ERI1: variants seen among roughly 807,000 people sequenced by gnomAD.
ERI1 encodes exoribonuclease 1.
Under a neutral mutation model 39.7 loss-of-function variants are expected in ERI1, and 39 were observed. The observed-to-expected ratio is 0.98, with a 90% CI of 0.76 to 1.28. ERI1 has a LOEUF of 1.28. Among genes scored for constraint, ERI1 ranks in the 50% most tolerant of loss-of-function variants. The pLI, the probability that ERI1 is intolerant of heterozygous loss-of-function variation, is 0.00. For missense variants in ERI1, 581 were observed against 416.9 expected, an observed-to-expected ratio of 1.39 and a Z score of -3.43; for synonymous variants, 204 against 149.6, an observed-to-expected ratio of 1.36 and a Z score of -2.65.
intron 3 of ERI1, among the ~76,000 whole-genome samples, chr8:9,088,893 C>A (rs555309558): frequency 6.6e-5 from 10 of 152,170 alleles, no homozygotes; most frequent in African/African-American, 2.4e-4. Context: ...CCAGGTCATG[C>A]GGGTGAGTTA....
At chr8:9,055,543 G>T (rs1798480513) in intron 3 of ERI1, among the ~76,000 whole-genome samples, 1 of 152,152 alleles carries the variant, frequency 6.6e-6, no homozygotes, top group African/African-American at 2.4e-5. Flanking sequence ...TACATTGACA[G>T]GTGGGGGAAG....
At chr8:9,005,249 G>A (rs2117170186) in intron 1 of ERI1, among the ~76,000 whole-genome samples, 1 of 152,134 alleles carries the variant, frequency 6.6e-6, no homozygotes, top group Non-Finnish European at 1.5e-5. Flanking sequence ...ATTTTTGGCA[G>A]CAGAATAATA....
intron 3 of ERI1, among the ~76,000 whole-genome samples, chr8:9,095,239 A>T (rs1184768783): frequency 6.6e-6 from 1 of 152,178 alleles, no homozygotes; most frequent in Non-Finnish European, 1.5e-5. Flanking sequence ...GGTTTGTTAC[A>T]TGGGTGTATT....
intron 3 of ERI1, among the ~76,000 whole-genome samples, chr8:9,071,016 C>G (rs569654201): frequency 1.8e-4 from 28 of 152,316 alleles, no homozygotes; most frequent in African/African-American, 6.0e-4. Flanking sequence ...TCTATCTTCT[C>G]TCCACCCATT....
intron 3 of ERI1, among the ~76,000 whole-genome samples, chr8:9,063,347 C>T (rs910464961): frequency 3.3e-5 from 5 of 152,132 alleles, no homozygotes; most frequent in Non-Finnish European, 5.9e-5. Flanking sequence ...TTAACCTTGA[C>T]TATGCCTTTA....
At chr8:9,027,655 T>C (rs987013508) in intron 6 of ERI1, among the ~76,000 whole-genome samples, 7 of 152,198 alleles carry the variant, frequency 4.6e-5, no homozygotes, top group East Asian at 1.9e-4. Flanking sequence ...AATTTTGTTA[T>C]ATGGTGTAAG....
chr8:9,080,916 A>G (rs1799348025), intron 3 of ERI1, among the ~76,000 whole-genome samples: 6 of 152,254 alleles, frequency 3.9e-5, no homozygotes. Context: ...AAAATATGCT[A>G]TCTGGATTTA....
intron 3 of ERI1, among the ~76,000 whole-genome samples, chr8:9,081,077 G>A (rs761870052): frequency 6.6e-6 from 1 of 152,178 alleles, no homozygotes; most frequent in Non-Finnish European, 1.5e-5. Flanking sequence ...AGCAAGGCAC[G>A]TCTTACATGG....
chr8:9,045,965 C>T (rs1366366589), intron 3 of ERI1, among the ~76,000 whole-genome samples: 1 of 152,164 alleles, frequency 6.6e-6, no homozygotes, highest in Non-Finnish European at 1.5e-5. Context: ...AGGTGTGAGC[C>T]ACTGCACGTG....
chr8:9,022,484 C>G (rs1357247310), intron 6 of ERI1, among the ~76,000 whole-genome samples: 1 of 152,024 alleles, frequency 6.6e-6, no homozygotes, highest in Non-Finnish European at 1.5e-5. Flanking sequence ...CACTGCAACC[C>G]TGTCTCTTGG....
At chr8:9,037,607 A>G (rs1009174568), downstream of ERI1, among the ~76,000 whole-genome samples, 9 of 152,012 alleles carry the variant, frequency 5.9e-5, no homozygotes, top group African/African-American at 2.2e-4. Flanking sequence ...AAAAATAATT[A>G]GTGATGGTAA....
chr8:9,093,229 C>G (rs562946897), intron 3 of ERI1, among the ~76,000 whole-genome samples: 1 of 152,148 alleles, frequency 6.6e-6, no homozygotes, highest in Non-Finnish European at 1.5e-5. Flanking sequence ...GTAAAATACA[C>G]TAACACTAAT....
rs1036736518 is a variant in ERI1, at chr8:9,002,917, G to A, written c.-147G>A. The A allele has an allele frequency of 2.0e-6, 1 of 496,214 alleles. No homozygotes were observed. The highest frequency in any genetic ancestry group is 3.2e-6 in the Non-Finnish European group (1 of 316,494). 30.7% of individuals were successfully genotyped at this position (496,214 alleles called of 1,614,324 possible). A position where few individuals can be genotyped will look rare whatever the true frequency, so the allele number is the denominator to read the frequency against. The stretch of plus-strand genomic sequence containing the variant: ...ACGCCACACGCTCCCGGAAGTGGGA[G>A]GTGGCCGCTGGAGTTTGTGTGGCCG... On this transcript the variant is annotated 5_prime_UTR_variant, in exon 1 of 7. Transcript: ENST00000250263.
chr8:9,097,881 C>G (rs1227860009), intron 3 of ERI1, among the ~76,000 whole-genome samples: 1 of 151,862 alleles, frequency 6.6e-6, no homozygotes, highest in Non-Finnish European at 1.5e-5. Flanking sequence ...GCCCGTCAAT[C>G]AAATAGTGGA....
intron 6 of ERI1, among the ~76,000 whole-genome samples, chr8:9,021,769 T>G (rs1355922413): frequency 2.4e-5 from 2 of 82,260 alleles, no homozygotes; most frequent in African/African-American, 8.9e-5. Context: ...TTATTTGTTT[T>G]TTTTGTTTTT....
chr8:9,008,004 C>G lies in ERI1; in HGVS notation c.143C>G (p.Thr48Arg), dbSNP rs1258412096. 2.8e-6 allele frequency: 4 copies of G among 1,406,224 alleles called. No individual in the cohort carries two copies. The highest frequency in any genetic ancestry group is 1.2e-5 in the South Asian group (1 of 86,124). The allele number at this position is 1,406,224 out of a possible 1,614,324, so 87.1% of individuals were successfully genotyped here. A position where few individuals can be genotyped will look rare whatever the true frequency, so the allele number is the denominator to read the frequency against. Reference protein sequence around the residue: ...TQQCKFDGQETKGSKFITSSA... With the variant: ...TQQCKFDGQERKGSKFITSSA... ...CAGTGTAAATTTGATGGCCAGGAGA[C>G]AAAAGGATCCAAGTTCATTACCTCC... Residue 48 changes from threonine (T) to arginine (R), a missense_variant, in exon 2 of 7, where the codon ACA becomes AGA. Physicochemically the swap from Thr to Arg is moderately conservative, Grantham distance 71 (BLOSUM62 -1). Transcript: ENST00000250263.
chr8:9,029,916 A>T lies in ERI1; in HGVS notation c.932A>T (p.Gln311Leu). Residue 311 changes from glutamine (Q) to leucine (L), a missense_variant, in exon 7 of 7, where the codon CAG becomes CTG. Physicochemically the swap from Gln to Leu is moderately radical, Grantham distance 113 (BLOSUM62 -2). Coordinates refer to ENST00000250263, the MANE Select transcript of ERI1 (RefSeq NM_153332.4). ...NIARIAVRML[Q>L]DGCELRINEK... Reference sequence around the variant, plus strand: ...GCCCGAATAGCAGTTCGAATGCTTCAGGATGGGTGTGAACTCCGAATCAAC... The same window carrying T: ...GCCCGAATAGCAGTTCGAATGCTTCTGGATGGGTGTGAACTCCGAATCAAC... The T allele has an allele frequency of 1.2e-6, 2 of 1,614,220 alleles. No individual in the cohort carries two copies. Among genetic ancestry groups the T allele is most frequent in the Non-Finnish European group, 1.7e-6 (2 of 1,180,036 alleles).
intron 3 of ERI1, chr8:9,072,643 T>G (rs1319843561): frequency 6.6e-6 from 1 of 152,166 alleles, no homozygotes; most frequent in Non-Finnish European, 1.5e-5. Context: ...AAAAAAATCT[T>G]TGAAGCCTTC....
At chr8:9,075,077 T>G (rs777597991) in intron 3 of ERI1, among the ~76,000 whole-genome samples, 2 of 152,222 alleles carry the variant, frequency 1.3e-5, no homozygotes, top group Non-Finnish European at 2.9e-5. Context: ...GATTCCCTGT[T>G]CGGTGATGAA....
Sources: allele counts gnomAD v4.1 joint callset (sites outside exome capture counted in the v4.1 genomes callset), GRCh38; gene constraint gnomAD v4.1.1; transcripts MANE v1.5; gene names NCBI Gene and HGNC (gene_info 2026-07-23, HGNC 2026-07-21).